Variants in AGBL4 observed in about 807,000 individuals in gnomAD.
AGBL4 encodes cytosolic carboxypeptidase 6.
A neutral mutation model predicts 66.4 loss-of-function variants in AGBL4; 58 were observed. The observed-to-expected ratio is 0.87, with a 90% confidence interval of 0.71 to 1.09. AGBL4 has a LOEUF of 1.09. Ranked by LOEUF, AGBL4 falls within the 50% of genes least tolerant of loss-of-function variation. The pLI is 0.00. For missense variants in AGBL4, 579 were observed against 631.0 expected, an observed-to-expected ratio of 0.92 and a Z score of 0.88; for synonymous variants, 234 against 222.9, an observed-to-expected ratio of 1.05 and a Z score of -0.44.
chr1:48,676,847 C>T (rs1371596608), intron 6 of AGBL4, among the ~76,000 whole-genome samples: 1 of 152,206 alleles, frequency 6.6e-6, no homozygotes, highest in Non-Finnish European at 1.5e-5. Flanking sequence ...TGACTGCCCC[C>T]ACCAAGATTC....
chr1:48,542,896 G>A (rs1023910597), intron 11 of AGBL4, among the ~76,000 whole-genome samples: 2 of 152,158 alleles, frequency 1.3e-5, no homozygotes, highest in African/African-American at 4.8e-5. Flanking sequence ...TGGTGTTTCA[G>A]TCATGAAGTC....
rs559005363 is a variant in AGBL4 at position 49,499,304 on chromosome 1, T to G, written c.282+198009A>C. Among the ~76,000 whole-genome samples the G allele has an allele frequency of 5.9e-5, 9 of 152,126 alleles. No individual in the cohort carries two copies. The East Asian group carries it at 1.5e-3, about 26-fold the overall frequency. ...GGTAGGTTTTATGTGTCTTAAGAAT[T>G]TATCCATTTCTCCTAAGTTATCCAA... On this transcript the variant is annotated intron_variant, in intron 3 of 13. Coordinates refer to ENST00000371839, the MANE Select transcript of AGBL4 (RefSeq NM_032785.4).
intron 1 of AGBL4, among the ~76,000 whole-genome samples, chr1:49,940,088 G>A (rs1273273470): frequency 3.3e-5 from 5 of 152,236 alleles, no homozygotes; most frequent in South Asian, 2.1e-4. Context: ...GCAGCCAACA[G>A]ACACATGAAA....
At chr1:50,019,074 T>C (rs1420948154) in intron 1 of AGBL4, among the ~76,000 whole-genome samples, 1 of 152,088 alleles carries the variant, frequency 6.6e-6, no homozygotes, top group Non-Finnish European at 1.5e-5. Flanking sequence ...GATTACATCT[T>C]ACTATCTCAC....
At chr1:49,180,737 C>T (rs758022711) in intron 4 of AGBL4, among the ~76,000 whole-genome samples, 2 of 152,182 alleles carry the variant, frequency 1.3e-5, no homozygotes, top group African/African-American at 4.8e-5. Context: ...GTACCCTGCA[C>T]AGATGCACCA....
At chr1:49,570,656 T>C (rs901708465) in intron 3 of AGBL4, among the ~76,000 whole-genome samples, 22 of 152,112 alleles carry the variant, frequency 1.4e-4, no homozygotes, top group African/African-American at 5.1e-4. Flanking sequence ...CATATATTGT[T>C]TGCCTAGACC....
intron 3 of AGBL4, among the ~76,000 whole-genome samples, chr1:49,480,911 T>G (rs1221180811): frequency 6.6e-6 from 1 of 152,058 alleles, no homozygotes; most frequent in Non-Finnish European, 1.5e-5. Context: ...CCCCATTGCT[T>G]GTTTTCGTCA....
intron 1 of AGBL4, among the ~76,000 whole-genome samples, chr1:49,906,241 C>A (rs1650262488): frequency 6.6e-6 from 1 of 151,578 alleles, no homozygotes; most frequent in Admixed American, 6.6e-5. Flanking sequence ...TAATTTATTG[C>A]AGTTATTGTA....
chr1:48,831,451 G>C (rs560863720), intron 6 of AGBL4, among the ~76,000 whole-genome samples: 12 of 152,280 alleles, frequency 7.9e-5, no homozygotes, highest in Admixed American at 3.9e-4. Flanking sequence ...AGCCAAGTTC[G>C]ACTATTACTT....
intron 5 of AGBL4, among the ~76,000 whole-genome samples, chr1:48,963,715 C>G (rs1313694494): frequency 6.6e-6 from 1 of 152,088 alleles, no homozygotes; most frequent in African/African-American, 2.4e-5. Flanking sequence ...TGTGGCTCAT[C>G]AAGTGGCCAT....
At chr1:48,658,682 G>A (rs1394832856) in intron 7 of AGBL4, among the ~76,000 whole-genome samples, 1 of 138,700 alleles carries the variant, frequency 7.2e-6, no homozygotes, top group Non-Finnish European at 1.6e-5. Flanking sequence ...GTGGGAAGCT[G>A]TTTGGGATAG....
At chr1:48,707,872 C>T (rs1344645010) in intron 6 of AGBL4, among the ~76,000 whole-genome samples, 1 of 152,154 alleles carries the variant, frequency 6.6e-6, no homozygotes, top group Non-Finnish European at 1.5e-5. Flanking sequence ...TTTGGGGCCA[C>T]ATTTTTGGCC....
At chr1:49,029,361 G>T (rs1268678863) in intron 5 of AGBL4, among the ~76,000 whole-genome samples, 25 of 152,034 alleles carry the variant, frequency 1.6e-4, no homozygotes, top group Admixed American at 1.5e-3. Context: ...GTTCAGAAAG[G>T]TTGCAGAATG....
intron 9 of AGBL4, among the ~76,000 whole-genome samples, chr1:48,595,779 A>G (rs1030457733): frequency 2.0e-5 from 3 of 152,068 alleles, no homozygotes; most frequent in African/African-American, 7.2e-5. Context: ...CTGAGCTGCT[A>G]CCCTGCTTCA....
At chr1:49,816,552 A>G (rs1345276496) in intron 2 of AGBL4, among the ~76,000 whole-genome samples, 1 of 152,168 alleles carries the variant, frequency 6.6e-6, no homozygotes, top group Non-Finnish European at 1.5e-5. Flanking sequence ...GCCCAGATTC[A>G]TATCTAGAGG....
At chr1:49,804,542 G>C (rs1012181865) in intron 2 of AGBL4, among the ~76,000 whole-genome samples, 28 of 152,084 alleles carry the variant, frequency 1.8e-4, no homozygotes, top group Admixed American at 1.7e-3. Flanking sequence ...ACTGGCTCAG[G>C]CTTAGGAAAA....
chr1:49,484,263 T>C lies in AGBL4; in HGVS notation c.282+213050A>G, dbSNP rs973979683. ...CTCTCCTAGGTATATATTCAAAAGT[T>C]GGGAAATCAACATACTGAAGAGATA... On this transcript the variant is annotated intron_variant, in intron 3 of 13. Transcript: ENST00000371839. 8.5e-5 allele frequency among the ~76,000 whole-genome samples: 13 copies of C among 152,106 alleles called. No individual in the cohort carries two copies. The East Asian group carries it at 1.5e-3, about 18-fold the overall frequency.
intron 3 of AGBL4, among the ~76,000 whole-genome samples, chr1:49,613,137 C>A (rs905808681): frequency 9.2e-5 from 14 of 152,084 alleles, no homozygotes; most frequent in East Asian, 1.9e-4. Context: ...TAACAAAAAA[C>A]CAAATACTGC....
intron 5 of AGBL4, chr1:49,025,527 C>T (rs566547666): frequency 6.6e-6 from 1 of 152,258 alleles, no homozygotes; most frequent in South Asian, 2.1e-4. Context: ...ACCAGAAGAA[C>T]TTGGGATTCT....
Sources: allele counts gnomAD v4.1 joint callset (sites outside exome capture counted in the v4.1 genomes callset), GRCh38; gene constraint gnomAD v4.1.1; transcripts MANE v1.5; gene names NCBI Gene and HGNC (gene_info 2026-07-23, HGNC 2026-07-21).